Variants in RYR3 observed in about 807,000 individuals in gnomAD.
RYR3 encodes the protein ryanodine receptor 3.
Under a neutral mutation model 584.3 loss-of-function variants are expected in RYR3, and 207 were observed. The ratio of observed to expected loss-of-function variants is 0.35; its 90% CI spans 0.32 to 0.40. The LOEUF (loss-of-function observed/expected upper bound fraction) is 0.40, where lower values mean the gene tolerates loss of function less well. Ranked by LOEUF, RYR3 falls within the 10% of genes least tolerant of loss-of-function variation. The pLI is 1.00. For missense variants in RYR3, 5,616 were observed against 6,089.2 expected (o/e 0.92, Z 2.59); for synonymous variants, 2,416 against 2,248.5 (o/e 1.07, Z -2.11).
rs1491296584 is a variant in RYR3, at chr15:33,664,614, T to TATATATATATATATATATATATAC, written c.5619+878_5619+879insTATATATATATATATATATATACA. Reference sequence around the variant, plus strand: ...GTATATATATATATATATATATATATACGTATGTATACATCTGCGAGGGAG... The same window carrying TATATATATATATATATATATATAC: ...GTATATATATATATATATATATATATATATATATATATATATATATATACACGTATGTATACATCTGCGAGGGAG... On this transcript the variant is annotated intron_variant, in intron 36 of 103. Transcript: ENST00000634891. 5.9e-3 allele frequency among the ~76,000 whole-genome samples: 703 copies of TATATATATATATATATATATATAC among 119,876 alleles called. 9 individuals are homozygous for TATATATATATATATATATATATAC. Among genetic ancestry groups the TATATATATATATATATATATATAC allele is most frequent in the Non-Finnish European group, 8.8e-3 (501 of 57,150 alleles). The allele number at this position is 119,876 out of a possible 152,430, so 78.6% of individuals were successfully genotyped here. A position where few individuals can be genotyped will look rare whatever the true frequency, so the allele number is the denominator to read the frequency against.
chr15:33,648,460 A>G (rs1022573242), intron 30 of RYR3, among the ~76,000 whole-genome samples: 52 of 152,218 alleles, frequency 3.4e-4, no homozygotes, highest in Non-Finnish European at 5.3e-4. Context: ...TGATAACCCC[A>G]TGGATTGTAT....
chr15:33,537,567 C>A (rs1437239139), intron 5 of RYR3, among the ~76,000 whole-genome samples: 1 of 152,168 alleles, frequency 6.6e-6, no homozygotes, highest in Non-Finnish European at 1.5e-5. Context: ...TGAAGGCTTT[C>A]TACTAGCCAG....
chr15:33,853,503 ATATT>A, intron 95 of RYR3, 48 bp from the exon 96 acceptor site: 1 of 1,592,954 alleles, frequency 6.3e-7, no homozygotes, highest in Non-Finnish European at 8.6e-7. Context: ...GAGCTAGAAA[ATATT>A]TGGTGGTGGC....
intron 27 of RYR3, among the ~76,000 whole-genome samples, chr15:33,641,434 T>G (rs2061818534): frequency 6.6e-6 from 1 of 152,238 alleles, no homozygotes; most frequent in African/African-American, 2.4e-5. Context: ...ATTCCATGGT[T>G]GTTCCCCCTT....
chr15:33,707,691 T>C (rs1335026103), intron 43 of RYR3, among the ~76,000 whole-genome samples: 1 of 152,206 alleles, frequency 6.6e-6, no homozygotes, highest in Non-Finnish European at 1.5e-5. Context: ...TACTAATTCA[T>C]TTGTATTGAC....
At chr15:33,380,125 T>A (rs28678563) in intron 1 of RYR3, among the ~76,000 whole-genome samples, 1,746 of 152,310 alleles carry the variant, frequency 0.011, 46 homozygotes, top group African/African-American at 0.04. Context: ...CAGTCTCCTC[T>A]GGCAACATCC....
At chr15:33,567,557 C>T (rs992665048) in intron 12 of RYR3, among the ~76,000 whole-genome samples, 1 of 152,154 alleles carries the variant, frequency 6.6e-6, no homozygotes, top group African/African-American at 2.4e-5. Context: ...GAATAGGCTG[C>T]TGTTGCAGTT....
rs781242056 is a variant in RYR3, at chr15:33,473,576, TG to T, written c.171+40del. 2.5e-6 allele frequency: 4 copies of T among 1,609,058 alleles called. No individual in the cohort carries two copies. In the South Asian group the frequency reaches 4.4e-5, roughly 18 times the overall value. On this transcript the variant is annotated intron_variant, in intron 2 of 103. Transcript: ENST00000634891. The stretch of plus-strand genomic sequence containing the variant: ...GTCCGCCCTACACCTTCTTCCACCT[TG>T]GCGTCTGACAAAGTCATTTAGGGGA...
intron 98 of RYR3, chr15:33,855,916 A>C (rs1020525837): frequency 6.6e-6 from 1 of 152,208 alleles, no homozygotes; most frequent in African/African-American, 2.4e-5. Flanking sequence ...TTCCTCATTA[A>C]GTACAAGTCT....
chr15:33,644,261 C>T, intron 27 of RYR3, 50 bp from the exon 28 acceptor site: 1 of 1,492,408 alleles, frequency 6.7e-7, no homozygotes, highest in Non-Finnish European at 9.2e-7. Context: ...CTCGGAGTTT[C>T]CTGGGATGGT....
chr15:33,844,742 A>G, intron 92 of RYR3, 120 bp from the exon 93 acceptor site: 2 of 828,910 alleles, frequency 2.4e-6, no homozygotes, highest in Non-Finnish European at 1.9e-6. Context: ...TTCATTCAGC[A>G]AGTAATGTTG....
intron 1 of RYR3, among the ~76,000 whole-genome samples, chr15:33,471,974 T>C (rs2048971073): frequency 6.6e-6 from 1 of 152,024 alleles, no homozygotes; most frequent in South Asian, 2.1e-4. Flanking sequence ...TGAGGAAAAA[T>C]TTCACTCTCT....
chr15:33,429,539 T>A (rs984667829), intron 1 of RYR3, among the ~76,000 whole-genome samples: 5 of 152,180 alleles, frequency 3.3e-5, no homozygotes, highest in Non-Finnish European at 5.9e-5. Flanking sequence ...TCTAATTGAC[T>A]GGTTAAACAT....
chr15:33,816,763 G>A, intron 74 of RYR3, 99 bp from the exon 75 acceptor site: 1 of 701,572 alleles, frequency 1.4e-6, no homozygotes, highest in Non-Finnish European at 2.4e-6. Flanking sequence ...GACAAGAATT[G>A]TACAAAAGTC....
rs368787474 is a variant in RYR3 at position 33,737,925 on chromosome 15, G to A, written c.7516-525G>A. Among the ~76,000 whole-genome samples the A allele has an allele frequency of 3.9e-5, 6 of 152,224 alleles. No individual in the cohort carries two copies. In the South Asian group the frequency reaches 1.0e-3, roughly 26 times the overall value. On this transcript the variant is annotated intron_variant, in intron 49 of 103. Transcript: ENST00000634891. ...GTGAAACTGCTGTAAAGTCACTGGG[G>A]TGTGAGAGAGGGGAGAGGGAGCGGG...
chr15:33,524,794 C>T (rs4281677), intron 3 of RYR3, among the ~76,000 whole-genome samples: 31,679 of 151,996 alleles, frequency 0.21, 4,917 homozygotes, highest in African/African-American at 0.44. Context: ...GAATTTTCTT[C>T]TAATATGCGT....
chr15:33,591,299 A>G (rs934396316), intron 16 of RYR3, among the ~76,000 whole-genome samples: 9 of 152,184 alleles, frequency 5.9e-5, no homozygotes, highest in Non-Finnish European at 1.0e-4. Context: ...TGCTGTAATA[A>G]TTGTTCCAAT....
At chr15:33,824,506 C>T (rs1375851293) in intron 81 of RYR3, among the ~76,000 whole-genome samples, 1 of 152,226 alleles carries the variant, frequency 6.6e-6, no homozygotes, top group Non-Finnish European at 1.5e-5. Context: ...TTTTCCTCCC[C>T]TGACGGCTAA....
chr15:33,386,943 C>T (rs1043113626), intron 1 of RYR3, among the ~76,000 whole-genome samples: 2 of 152,078 alleles, frequency 1.3e-5, no homozygotes, highest in African/African-American at 2.4e-5. Flanking sequence ...CTGCAAGCTC[C>T]GCCTCCCAGG....
Sources: gnomAD v4.1 joint callset for allele counts (sites outside exome capture counted in the v4.1 genomes callset) on GRCh38, gnomAD v4.1.1 for gene constraint, MANE v1.5 for transcripts, NCBI Gene and HGNC (gene_info 2026-07-23, HGNC 2026-07-21) for gene names.